OSBPL10: variants seen among roughly 807,000 people sequenced by gnomAD.
The protein encoded by OSBPL10 is oxysterol binding protein like 10, also known as oxysterol-binding protein-related protein 10.
A neutral mutation model predicts 81.7 loss-of-function variants in OSBPL10; 49 were observed. That is an observed-to-expected ratio of 0.60 (90% CI 0.48 to 0.76). The LOEUF is 0.76. Among genes scored for constraint, OSBPL10 ranks in the 30% least tolerant of loss-of-function variants. OSBPL10 has a pLI of 0.00. For synonymous variants in OSBPL10, 419 were observed against 383.6 expected, an observed-to-expected ratio of 1.09 and a Z score of -1.08; for missense variants, 923 against 987.8, an observed-to-expected ratio of 0.93 and a Z score of 0.88.
intron 4 of OSBPL10, among the ~76,000 whole-genome samples, chr3:31,822,873 T>C (rs1177616337): frequency 4.5e-5 from 6 of 132,722 alleles, no homozygotes; most frequent in Non-Finnish European, 6.2e-5. Context: ...ATGATTGATC[T>C]GCTATACTCC....
chr3:31,663,189 G>A (rs1700108477), intron 11 of OSBPL10: 1 of 985,274 alleles, frequency 1.0e-6, no homozygotes, highest in South Asian at 4.7e-5. Context: ...AAAGCCCACA[G>A]ATACATTTTG....
intron 1 of OSBPL10, among the ~76,000 whole-genome samples, chr3:32,069,095 A>G (rs1699806001): frequency 6.6e-6 from 1 of 152,138 alleles, no homozygotes; most frequent in South Asian, 2.1e-4. Flanking sequence ...GTCAGGGTAC[A>G]TGTGCCTTTT....
chr3:31,672,361 C>T (rs375023642), intron 8 of OSBPL10, among the ~76,000 whole-genome samples: 99 of 53,732 alleles, frequency 1.8e-3, no homozygotes, highest in Middle Eastern at 0.016. Context: ...TTTGCGGGGG[C>T]GGGGGGGGGG....
chr3:31,712,353 T>C (rs1013545735), intron 6 of OSBPL10, among the ~76,000 whole-genome samples: 6 of 152,208 alleles, frequency 3.9e-5, no homozygotes, highest in Non-Finnish European at 7.3e-5. Flanking sequence ...TCCCGGAACC[T>C]GTGTATACGG....
intron 3 of OSBPL10, among the ~76,000 whole-genome samples, chr3:31,834,472 G>A (rs1337505221): frequency 6.6e-6 from 1 of 152,176 alleles, no homozygotes; most frequent in African/African-American, 2.4e-5. Context: ...AAAAGAGTGT[G>A]GGAGCAGGTG....
intron 1 of OSBPL10, among the ~76,000 whole-genome samples, chr3:31,921,376 A>T (rs766767631): frequency 6.6e-6 from 1 of 152,126 alleles, no homozygotes; most frequent in Non-Finnish European, 1.5e-5. Context: ...GGCTGATTCT[A>T]AGACTGGGGC....
intron 1 of OSBPL10, among the ~76,000 whole-genome samples, chr3:31,882,976 C>A (rs1021424148): frequency 6.6e-6 from 1 of 152,156 alleles, no homozygotes; most frequent in Non-Finnish European, 1.5e-5. Context: ...GAGAGAAGAA[C>A]CAGGGTAACT....
chr3:31,715,869 C>T (rs145630593), intron 6 of OSBPL10, among the ~76,000 whole-genome samples: 6 of 152,176 alleles, frequency 3.9e-5, no homozygotes, highest in South Asian at 2.1e-4. Flanking sequence ...AAAAGAGACA[C>T]GAGACTAAAG....
chr3:31,700,947 A>G (rs1171838913), intron 7 of OSBPL10, among the ~76,000 whole-genome samples: 1 of 152,198 alleles, frequency 6.6e-6, no homozygotes, highest in African/African-American at 2.4e-5. Flanking sequence ...AGGATGGTGA[A>G]GAAGGAACTT....
intron 4 of OSBPL10, among the ~76,000 whole-genome samples, chr3:31,818,840 G>A (rs1308747552): frequency 6.6e-5 from 10 of 152,098 alleles, no homozygotes; most frequent in Non-Finnish European, 1.2e-4. Context: ...GAATCACAAG[G>A]TACAAAACTC....
At chr3:31,921,887 G>A (rs1353889366) in intron 1 of OSBPL10, among the ~76,000 whole-genome samples, 2 of 152,194 alleles carry the variant, frequency 1.3e-5, no homozygotes, top group Non-Finnish European at 2.9e-5. Flanking sequence ...ATGTACCCTT[G>A]ATATGATGTG....
chr3:31,984,335 G>C (rs906905371), upstream of OSBPL10, among the ~76,000 whole-genome samples: 1 of 151,408 alleles, frequency 6.6e-6, no homozygotes, highest in Non-Finnish European at 1.5e-5. Context: ...CCACCGTACC[G>C]GGCCCACCTA....
At chr3:31,745,012 G>A (rs1403017508) in intron 5 of OSBPL10, among the ~76,000 whole-genome samples, 2 of 152,176 alleles carry the variant, frequency 1.3e-5, no homozygotes, top group African/African-American at 4.8e-5. Context: ...AGTCCTCAGC[G>A]AGGGTCACTG....
intron 1 of OSBPL10, among the ~76,000 whole-genome samples, chr3:31,914,058 T>G (rs1696674059): frequency 6.6e-6 from 1 of 152,100 alleles, no homozygotes; most frequent in African/African-American, 2.4e-5. Context: ...AGTGTTGGGA[T>G]TATAGGCACC....
At chr3:32,039,077 C>T (rs1173838096) in intron 2 of OSBPL10, among the ~76,000 whole-genome samples, 2 of 152,042 alleles carry the variant, frequency 1.3e-5, no homozygotes, top group Non-Finnish European at 2.9e-5. Context: ...GTAATCCTAG[C>T]ACTTTTGGGA....
intron 1 of OSBPL10, among the ~76,000 whole-genome samples, chr3:31,929,478 T>C (rs1697172643): frequency 6.6e-6 from 1 of 152,150 alleles, no homozygotes; most frequent in Non-Finnish European, 1.5e-5. Context: ...CCGGGCGCGG[T>C]GGCTCACGCC....
intron 2 of OSBPL10, among the ~76,000 whole-genome samples, chr3:32,036,244 C>T (rs996286849): frequency 2.0e-5 from 3 of 152,000 alleles, no homozygotes; most frequent in South Asian, 2.1e-4. Flanking sequence ...AGATGGATCT[C>T]GCTATGTTGC....
At chr3:31,852,210 A>G (rs1266044574) in intron 3 of OSBPL10, among the ~76,000 whole-genome samples, 1 of 152,146 alleles carries the variant, frequency 6.6e-6, no homozygotes, top group Non-Finnish European at 1.5e-5. Context: ...TGTGAGCATT[A>G]TCTGAGGCAG....
intron 3 of OSBPL10, among the ~76,000 whole-genome samples, chr3:31,834,172 G>T (rs1200582346): frequency 6.6e-6 from 1 of 152,114 alleles, no homozygotes; most frequent in East Asian, 1.9e-4. Context: ...CAATCTCCAG[G>T]TTTTGTTTCA....
Sources: allele counts gnomAD v4.1 joint callset (sites outside exome capture counted in the v4.1 genomes callset), GRCh38; gene constraint gnomAD v4.1.1; transcripts MANE v1.5; gene names NCBI Gene and HGNC (gene_info 2026-07-23, HGNC 2026-07-21).